GLP1R: variants seen among roughly 807,000 people sequenced by gnomAD.
The protein encoded by GLP1R is glucagon like peptide 1 receptor.
Under a neutral mutation model 68.4 loss-of-function variants are expected in GLP1R, and 32 were observed. The ratio of observed to expected loss-of-function variants is 0.47; its 90% CI spans 0.35 to 0.63. GLP1R has a LOEUF of 0.63. Among genes scored for constraint, GLP1R ranks in the 20% least tolerant of loss-of-function variants. The pLI is 0.00. For synonymous variants in GLP1R, 263 were observed against 244.4 expected, an observed-to-expected ratio of 1.08 and a Z score of -0.71; for missense variants, 502 against 594.9, an observed-to-expected ratio of 0.84 and a Z score of 1.62.
At chr6:39,081,058 G>T (rs1043505480) in intron 12 of GLP1R, among the ~76,000 whole-genome samples, 6 of 151,792 alleles carry the variant, frequency 4.0e-5, no homozygotes, top group African/African-American at 1.2e-4. Flanking sequence ...CTTACAAAGT[G>T]ATTCAACACA....
chr6:39,085,245 A>G (rs143214909), intron 12 of GLP1R, among the ~76,000 whole-genome samples: 19 of 152,358 alleles, frequency 1.2e-4, no homozygotes, highest in African/African-American at 4.3e-4. Flanking sequence ...GGGAGGCCAG[A>G]GCCCAGCACA....
intron 3 of GLP1R, among the ~76,000 whole-genome samples, chr6:39,065,469 C>A (rs559555676): frequency 6.6e-6 from 1 of 152,194 alleles, no homozygotes; most frequent in Admixed American, 6.5e-5. Flanking sequence ...AGCTGAGGAG[C>A]CCCTGCCTTG....
intron 5 of GLP1R, among the ~76,000 whole-genome samples, chr6:39,070,519 T>G (rs541312729): frequency 6.6e-6 from 1 of 152,342 alleles, no homozygotes; most frequent in African/African-American, 2.4e-5. Flanking sequence ...CTTTCGCAAT[T>G]TTACTATGTT....
intron 5 of GLP1R, among the ~76,000 whole-genome samples, chr6:39,071,624 G>C (rs978202562): frequency 1.3e-5 from 2 of 151,920 alleles, no homozygotes; most frequent in African/African-American, 4.8e-5. Context: ...AAGGCTCCAC[G>C]TATGTATGGG....
rs190670362 is a variant in GLP1R, at chr6:39,083,554, G to T, written c.1225-2352G>T. On this transcript the variant is annotated intron_variant, in intron 12 of 12. Transcript: ENST00000373256. ...GTTTTGCTGTAGCTTGTGCCTGAGA[G>T]CCACAGTGAGGTGACTCAGAGCCCT... Among the ~76,000 whole-genome samples, 17 of 152,320 alleles carry T rather than the reference G, an allele frequency of 1.1e-4. No homozygotes were observed. In the East Asian group the frequency reaches 3.1e-3, roughly 28 times the overall value.
intron 8 of GLP1R, 89 bp downstream of exon 8, chr6:39,078,471 T>A: frequency 1.1e-5 from 10 of 912,934 alleles, no homozygotes; most frequent in Non-Finnish European, 1.7e-5. Context: ...CACCCATCTG[T>A]TGAGAGGATA....
chr6:39,078,483 AG>A (rs1338350428), intron 8 of GLP1R, 101 bp downstream of exon 8: 25 of 840,594 alleles, frequency 3.0e-5, no homozygotes, highest in Admixed American at 1.7e-5. Context: ...GAGAGGATAA[AG>A]GGGGGTACCA....
At chr6:39,060,596 C>G (rs1046447782) in intron 3 of GLP1R, among the ~76,000 whole-genome samples, 1 of 152,164 alleles carries the variant, frequency 6.6e-6, no homozygotes, top group African/African-American at 2.4e-5. Flanking sequence ...GACTTCAAAT[C>G]AAGGCAGGGA....
chr6:39,048,940 G>T (rs765187189), intron 1 of GLP1R, 22 bp downstream of exon 1: 1 of 1,057,628 alleles, frequency 9.5e-7, no homozygotes, highest in Non-Finnish European at 1.3e-6. Context: ...GGACCCCGAC[G>T]ACACCGGGGG....
At chr6:39,061,185 C>A (rs1392987263) in intron 3 of GLP1R, among the ~76,000 whole-genome samples, 1 of 152,174 alleles carries the variant, frequency 6.6e-6, no homozygotes, top group Non-Finnish European at 1.5e-5. Context: ...GAACTTGGGT[C>A]TCAGGATTGT....
intron 1 of GLP1R, among the ~76,000 whole-genome samples, chr6:39,054,716 T>G (rs1768170274): frequency 2.0e-5 from 3 of 152,304 alleles, no homozygotes; most frequent in South Asian, 4.2e-4. Flanking sequence ...GTGTGTGGTC[T>G]GCTTTCATTC....
At chr6:39,075,755 G>T (rs1768801404) in intron 7 of GLP1R, among the ~76,000 whole-genome samples, 1 of 152,240 alleles carries the variant, frequency 6.6e-6, no homozygotes, top group East Asian at 1.9e-4. Flanking sequence ...TGTGCAAGTG[G>T]AAGAATTAAA....
intron 12 of GLP1R, among the ~76,000 whole-genome samples, chr6:39,083,138 C>T (rs1045915070): frequency 6.6e-6 from 1 of 152,160 alleles, no homozygotes; most frequent in African/African-American, 2.4e-5. Flanking sequence ...CCAGGCCTGG[C>T]TACAGACCCC....
Position 39,091,250 on chromosome 6 carries a change from C to T in GLP1R, c.*5177C>T, listed in dbSNP as rs760578971. 2.0e-5 allele frequency among the ~76,000 whole-genome samples: 3 copies of T among 152,190 alleles called. No homozygotes were observed. The highest frequency in any genetic ancestry group is 2.9e-5 in the Non-Finnish European group (2 of 68,036). ...TTCCTTGTACAGATGTGAATGGATG[C>T]AGACTCTTTCCTAATTTGCCTTGTA... On this transcript the variant is annotated 3_prime_UTR_variant, in exon 13 of 13. Transcript: ENST00000373256.
chr6:39,065,076 T>C (rs1231174088), intron 3 of GLP1R, among the ~76,000 whole-genome samples: 1 of 152,210 alleles, frequency 6.6e-6, no homozygotes, highest in East Asian at 1.9e-4. Flanking sequence ...GTGTACTCCT[T>C]TTAGACCAGG....
chr6:39,070,125 G>A (rs1399618772), intron 5 of GLP1R, among the ~76,000 whole-genome samples: 1 of 152,210 alleles, frequency 6.6e-6, no homozygotes, highest in African/African-American at 2.4e-5. Flanking sequence ...TGAGAGCAGA[G>A]CCCTCATGAT....
At position 39,066,268 on chromosome 6, in the gene GLP1R, T is replaced by C; in HGVS notation, c.474T>C (p.Ala158=). 10 of 1,612,624 alleles carry C rather than the reference T, an allele frequency of 6.2e-6. No individual in the cohort carries two copies. The highest frequency in any genetic ancestry group is 8.5e-6 in the Non-Finnish European group (10 of 1,178,658). ...TGGGCTACGCACTCTCCTTCTCTGC[T>C]CTGGTTATCGCCTCTGCGATCCTCC... ...YTVGYALSFS[A]LVIASAILLG... is the part of the protein sequence containing the mutation. Residue 158 remains alanine (A), a synonymous_variant, in exon 5 of 13, where the codon GCT becomes GCC. Transcript: ENST00000373256.
Position 39,086,098 on chromosome 6 carries a change from G to A in GLP1R, c.*25G>A. On this transcript the variant is annotated 3_prime_UTR_variant, in exon 13 of 13. Coordinates refer to ENST00000373256, the MANE Select transcript of GLP1R (RefSeq NM_002062.5). This position sits in a 1 kb window ranked among gnomAD's most constrained non-coding sequence, Gnocchi z 4.5. ...AGACTCCAGCGCCTGCCCTCCCTGGGGTCCTTGCTGCAGGCCGGGTGGCCA... is the reference window on the plus strand; with the variant it reads ...AGACTCCAGCGCCTGCCCTCCCTGGAGTCCTTGCTGCAGGCCGGGTGGCCA... The A allele has an allele frequency of 6.2e-7, 1 of 1,608,770 alleles. No homozygotes were observed. The highest frequency in any genetic ancestry group is 2.2e-5 in the East Asian group (1 of 44,768).
intron 11 of GLP1R, 59 bp from the exon 12 acceptor site, chr6:39,080,639 C>T: frequency 1.6e-6 from 2 of 1,214,074 alleles, no homozygotes; most frequent in Non-Finnish European, 2.4e-6. Flanking sequence ...CCGACCAGGG[C>T]CAGTCTGCAG....
Sources: allele counts gnomAD v4.1 joint callset (sites outside exome capture counted in the v4.1 genomes callset), GRCh38; gene constraint gnomAD v4.1.1; non-coding constraint Gnocchi (gnomAD v3.1); transcripts MANE v1.5; gene names NCBI Gene and HGNC (gene_info 2026-07-23, HGNC 2026-07-21).